The following TBC1D14 variants were observed in gnomAD, a reference collection of about 807,000 sequenced individuals.
TBC1D14 encodes the protein TBC1 domain family, member 14.
A neutral mutation model predicts 79.0 loss-of-function variants in TBC1D14; 26 were observed. The observed-to-expected ratio is 0.33, with a 90% CI of 0.24 to 0.46. TBC1D14 has a LOEUF of 0.46. Ranked by LOEUF, TBC1D14 falls within the 20% of genes least tolerant of loss-of-function variation. The pLI is 1.00. For missense variants in TBC1D14, 769 were observed against 887.6 expected, an observed-to-expected ratio of 0.87 and a Z score of 1.70; for synonymous variants, 394 against 349.9, an observed-to-expected ratio of 1.13 and a Z score of -1.40.
intron 3 of TBC1D14, among the ~76,000 whole-genome samples, chr4:6,971,262 A>G (rs892586210): frequency 6.6e-6 from 1 of 152,242 alleles, no homozygotes. Context: ...ATTGTTCTAC[A>G]CTAAGGGATA....
intron 13 of TBC1D14, 116 bp from the exon 14 acceptor site, chr4:7,030,211 G>A (rs1722906929): frequency 2.2e-6 from 2 of 911,570 alleles, no homozygotes; most frequent in Non-Finnish European, 3.6e-6. Flanking sequence ...GTTGGAGGCA[G>A]TGGAAGTGGG....
chr4:6,948,064 G>A (rs1187734354), intron 2 of TBC1D14, among the ~76,000 whole-genome samples: 1 of 152,178 alleles, frequency 6.6e-6, no homozygotes, highest in Non-Finnish European at 1.5e-5. Context: ...GTGGGGAGGG[G>A]GCACATGAGC....
At chr4:6,950,979 C>G (rs1713983507) in intron 2 of TBC1D14, among the ~76,000 whole-genome samples, 1 of 152,126 alleles carries the variant, frequency 6.6e-6, no homozygotes, top group African/African-American at 2.4e-5. Context: ...ATTACATGAA[C>G]CTACCAGTGT....
intron 2 of TBC1D14, among the ~76,000 whole-genome samples, chr4:6,952,346 G>C (rs181560493): frequency 2.6e-5 from 4 of 152,302 alleles, no homozygotes; most frequent in Admixed American, 1.3e-4. Flanking sequence ...TTCCCCACTT[G>C]AGAACCACAG....
chr4:6,949,267 T>A (rs917086625), intron 2 of TBC1D14, among the ~76,000 whole-genome samples: 22 of 151,958 alleles, frequency 1.4e-4, no homozygotes, highest in Admixed American at 6.6e-5. Flanking sequence ...TCTTGGCTAG[T>A]CTTGGTCTTT....
chr4:6,924,783 T>TG (rs1354935382), intron 2 of TBC1D14, among the ~76,000 whole-genome samples: 2 of 152,188 alleles, frequency 1.3e-5, no homozygotes, highest in Non-Finnish European at 2.9e-5. Flanking sequence ...TGTGCTCTCA[T>TG]GCTTTTGTTC....
At chr4:6,973,888 A>G (rs983904042) in intron 3 of TBC1D14, among the ~76,000 whole-genome samples, 3 of 152,148 alleles carry the variant, frequency 2.0e-5, no homozygotes, top group East Asian at 1.9e-4. Context: ...CAGTGGCGCA[A>G]TCTTGGCTTA....
chr4:6,947,867 T>A (rs1464689667), intron 2 of TBC1D14, among the ~76,000 whole-genome samples: 1 of 152,120 alleles, frequency 6.6e-6, no homozygotes, highest in Admixed American at 6.6e-5. Context: ...AGTTAATGAA[T>A]ACCTTTTAAT....
chr4:6,961,671 G>A (rs957983207), intron 2 of TBC1D14, among the ~76,000 whole-genome samples: 2 of 152,202 alleles, frequency 1.3e-5, no homozygotes, highest in Non-Finnish European at 2.9e-5. Context: ...TTTGTGGCAG[G>A]GCTGGCGTGG....
rs776266465 is a variant in TBC1D14 at position 7,025,176 on chromosome 4, C to T, written c.1930C>T (p.Arg644Trp). Reference sequence around the variant, plus strand: ...CATTCACATGGCCCAGTTCCTGACCCGGCTGCCCGAGGACCTGCCCGCCGA... The same window carrying T: ...CATTCACATGGCCCAGTTCCTGACCTGGCTGCCCGAGGACCTGCCCGCCGA... ...DFIHMAQFLT[R>W]LPEDLPAEEL... Residue 644 changes from arginine to tryptophan, a missense_variant, in exon 13 of 14, where the codon CGG becomes TGG. By Grantham distance (101) the Arg-to-Trp change is moderately radical. Around this residue, in one of 2 missense-constraint regions of TBC1D14, gnomAD observed 367 missense variants for 494.4 expected, o/e 0.74. Coordinates refer to ENST00000409757, the MANE Select transcript of TBC1D14 (RefSeq NM_020773.3). 2 of 1,614,226 alleles carry T rather than the reference C, an allele frequency of 1.2e-6. No individual in the cohort carries two copies. Among genetic ancestry groups the T allele is most frequent in the Non-Finnish European group, 1.7e-6 (2 of 1,180,040 alleles).
intron 2 of TBC1D14, among the ~76,000 whole-genome samples, chr4:6,931,640 G>A (rs1178014717): frequency 6.6e-6 from 1 of 152,174 alleles, no homozygotes; most frequent in Non-Finnish European, 1.5e-5. Flanking sequence ...GTAAGGGTGT[G>A]CTGCTTCCCT....
At chr4:7,010,020 T>TAG in intron 10 of TBC1D14, 72 bp downstream of exon 10, 1 of 1,541,242 alleles carries the variant, frequency 6.5e-7, no homozygotes, top group Non-Finnish European at 9.0e-7. Context: ...CAGCACGTGT[T>TAG]AGCTGCAAAT....
In TBC1D14 at chr4:7,031,682, C is replaced by G. The variant is rs1445639883; in HGVS notation, c.*1290C>G. The G allele has an allele frequency of 1.3e-5, 2 of 152,302 alleles. No homozygotes were observed. The allele number at this position is 152,302 out of a possible 1,614,324, so 9.4% of individuals were successfully genotyped here. On this transcript the variant is annotated 3_prime_UTR_variant, in exon 14 of 14. Coordinates refer to ENST00000409757, the MANE Select transcript of TBC1D14 (RefSeq NM_020773.3). ...GCCCACGTGGCGGTCCGCTGGCAGG[C>G]TGGTCCTGGGGAGCATTCTGCGGAC...
At chr4:7,013,889 G>A (rs574960915) in intron 11 of TBC1D14, among the ~76,000 whole-genome samples, 1 of 152,066 alleles carries the variant, frequency 6.6e-6, no homozygotes, top group African/African-American at 2.4e-5. Context: ...GACTACAGGC[G>A]CCCGCCACCA....
intron 1 of TBC1D14, chr4:6,910,612 G>A (rs1269036587): frequency 2.0e-5 from 3 of 152,198 alleles, no homozygotes; most frequent in Admixed American, 6.6e-5. Flanking sequence ...GTAAGTCCGG[G>A]GACTCCTGGT....
intron 3 of TBC1D14, among the ~76,000 whole-genome samples, chr4:6,974,028 T>TGGCCAGGCTGGTC (rs768874161): frequency 7.9e-5 from 12 of 152,162 alleles, no homozygotes; most frequent in Non-Finnish European, 1.3e-4. Context: ...TTCATCATGT[T>TGGCCAGGCTGGTC]GGCCAGGCTG....
chr4:6,995,011 T>C (rs1448743824), intron 4 of TBC1D14, among the ~76,000 whole-genome samples: 1 of 152,190 alleles, frequency 6.6e-6, no homozygotes. Flanking sequence ...TTTCATGCTC[T>C]GAAAGGTGAA....
At chr4:6,987,995 G>C (rs1718056499) in intron 3 of TBC1D14, among the ~76,000 whole-genome samples, 1 of 152,234 alleles carries the variant, frequency 6.6e-6, no homozygotes, top group Non-Finnish European at 1.5e-5. Context: ...AAAGAACCCA[G>C]GCCAGAGGAA....
At chr4:7,011,443 T>A (rs978549283) in intron 11 of TBC1D14, among the ~76,000 whole-genome samples, 1 of 152,176 alleles carries the variant, frequency 6.6e-6, no homozygotes, top group East Asian at 1.9e-4. Context: ...ATGCATCTGG[T>A]AAGTGGAGGA....
Sources: allele counts gnomAD v4.1 joint callset (sites outside exome capture counted in the v4.1 genomes callset), GRCh38; gene constraint gnomAD v4.1.1; regional missense constraint gnomAD v4.1.1; transcripts MANE v1.5; gene names NCBI Gene and HGNC (gene_info 2026-07-23, HGNC 2026-07-21).